The following KCNK9 variants were observed in gnomAD, a reference collection of about 807,000 sequenced individuals.
The protein encoded by KCNK9 is potassium channel subfamily K member 9.
KCNK9 carries 1 observed loss-of-function variant against 10.8 expected under a neutral mutation model. That is an observed-to-expected ratio of 0.09 (90% confidence interval 0.03 to 0.44). The LOEUF (loss-of-function observed/expected upper bound fraction) is 0.44. KCNK9 is among the 20% of genes least tolerant of loss of function. The pLI, the probability that KCNK9 is intolerant of heterozygous loss-of-function variation, is 0.97. For missense variants in KCNK9, 303 were observed against 515.0 expected (o/e 0.59, Z 3.98); for synonymous variants, 231 against 222.7 (o/e 1.04, Z -0.33).
chr8:139,696,011 C>A (rs537878011), intron 1 of KCNK9, among the ~76,000 whole-genome samples: 1 of 152,186 alleles, frequency 6.6e-6, no homozygotes, highest in Non-Finnish European at 1.5e-5. Context: ...CTAAGCCCCC[C>A]ACGTTCCAGT....
intron 1 of KCNK9, among the ~76,000 whole-genome samples, chr8:139,634,121 G>A (rs1416786229): frequency 6.6e-6 from 1 of 152,246 alleles, no homozygotes; most frequent in Non-Finnish European, 1.5e-5. Flanking sequence ...TTAGCACGGT[G>A]GACTCATGGG....
At chr8:139,638,982 C>A (rs563600090) in intron 1 of KCNK9, among the ~76,000 whole-genome samples, 58 of 152,296 alleles carry the variant, frequency 3.8e-4, no homozygotes, top group African/African-American at 1.2e-3. Context: ...GATCCCCATT[C>A]TCGTGCCTTT....
At chr8:139,639,248 C>A (rs138565973) in intron 1 of KCNK9, among the ~76,000 whole-genome samples, 1 of 152,358 alleles carries the variant, frequency 6.6e-6, no homozygotes, top group Non-Finnish European at 1.5e-5. Context: ...CCCATTGATG[C>A]TCACCAGAAT....
chr8:139,657,667 A>G (rs1816054243), intron 1 of KCNK9, among the ~76,000 whole-genome samples: 1 of 152,202 alleles, frequency 6.6e-6, no homozygotes, highest in African/African-American at 2.4e-5. Flanking sequence ...TAGGGCGTTG[A>G]CTGGGACACT....
At chr8:139,601,734 AATT>A (rs1439362088) in intron 2 of KCNK9, 35 of 152,314 alleles carry the variant, frequency 2.3e-4, no homozygotes, top group African/African-American at 8.2e-4. Flanking sequence ...TAACCCAGAT[AATT>A]AAGACCCCCT....
At chr8:139,625,230 C>A (rs1253683672) in intron 1 of KCNK9, among the ~76,000 whole-genome samples, 1 of 152,240 alleles carries the variant, frequency 6.6e-6, no homozygotes, top group Non-Finnish European at 1.5e-5. Context: ...GAACTGACAG[C>A]CTGCCTGCTT....
intron 1 of KCNK9, among the ~76,000 whole-genome samples, chr8:139,697,562 G>A (rs1817093293): frequency 6.6e-6 from 1 of 151,926 alleles, no homozygotes; most frequent in Non-Finnish European, 1.5e-5. Flanking sequence ...AGATGGAGGT[G>A]TGAATAACCG....
In KCNK9 at chr8:139,699,149, G is replaced by A. The variant is rs550494146; in HGVS notation, c.283+3561C>T. On this transcript the variant is annotated intron_variant, in intron 1 of 1. Coordinates refer to ENST00000520439, the MANE Select transcript of KCNK9 (RefSeq NM_001282534.2). ...TGAGATCTGATTTCTAAGATCTGAT[G>A]GTTTCTTCTTTTTTAATGATCCTGA... 1.1e-3 allele frequency among the ~76,000 whole-genome samples: 173 copies of A among 152,260 alleles called. 5 individuals are homozygous for A. In the South Asian group the frequency reaches 0.035, roughly 31 times the overall value.
At chr8:139,680,740 T>A (rs1385506879) in intron 1 of KCNK9, among the ~76,000 whole-genome samples, 3 of 152,014 alleles carry the variant, frequency 2.0e-5, no homozygotes, top group Non-Finnish European at 4.4e-5. Context: ...CCAGAGAAGG[T>A]GCTTAGCTTC....
chr8:139,660,449 A>AATATATAT (rs35118138), intron 1 of KCNK9, among the ~76,000 whole-genome samples: 3 of 131,182 alleles, frequency 2.3e-5, no homozygotes, highest in South Asian at 2.5e-4. Context: ...GCTAAAAAAA[A>AATATATAT]ATATATATAT....
chr8:139,656,035 C>A (rs1405684396), intron 1 of KCNK9, among the ~76,000 whole-genome samples: 1 of 152,212 alleles, frequency 6.6e-6, no homozygotes, highest in Non-Finnish European at 1.5e-5. Flanking sequence ...CTAATCTACA[C>A]TCAGCCATGA....
At chr8:139,671,675 C>G (rs1816430179) in intron 1 of KCNK9, among the ~76,000 whole-genome samples, 1 of 152,064 alleles carries the variant, frequency 6.6e-6, no homozygotes, top group African/African-American at 2.4e-5. Context: ...GTGTTCACCA[C>G]AGCTGGCTAA....
chr8:139,663,038 G>A (rs1444903212), intron 1 of KCNK9, among the ~76,000 whole-genome samples: 1 of 152,030 alleles, frequency 6.6e-6, no homozygotes, highest in Non-Finnish European at 1.5e-5. Context: ...GTGCCCCAGT[G>A]CTGTTCTAAG....
At chr8:139,698,670 A>G (rs1817123989) in intron 1 of KCNK9, among the ~76,000 whole-genome samples, 1 of 152,102 alleles carries the variant, frequency 6.6e-6, no homozygotes, top group Non-Finnish European at 1.5e-5. Context: ...TGTCATCTAG[A>G]CTGTCCCCAG....
At chr8:139,646,453 G>C (rs1815686206) in intron 1 of KCNK9, among the ~76,000 whole-genome samples, 1 of 152,272 alleles carries the variant, frequency 6.6e-6, no homozygotes, top group Admixed American at 6.5e-5. Context: ...GGCCAGGTCA[G>C]CATGGAAGGA....
At chr8:139,608,028 A>G (rs1814285599), downstream of KCNK9, among the ~76,000 whole-genome samples, 1 of 152,216 alleles carries the variant, frequency 6.6e-6, no homozygotes, top group Non-Finnish European at 1.5e-5. Context: ...AGAAGAGGCA[A>G]GGCTGAGAGC....
chr8:139,673,761 TG>T (rs1340424897), intron 1 of KCNK9, among the ~76,000 whole-genome samples: 1 of 152,030 alleles, frequency 6.6e-6, no homozygotes, highest in Non-Finnish European at 1.5e-5. Context: ...CAGTCAGGAG[TG>T]GGGTGGGGCC....
intron 1 of KCNK9, among the ~76,000 whole-genome samples, chr8:139,655,702 C>T (rs553046974): frequency 6.6e-6 from 1 of 152,238 alleles, no homozygotes; most frequent in Non-Finnish European, 1.5e-5. Context: ...CAGATGTGGC[C>T]AACTCCAAAC....
In KCNK9 at chr8:139,651,033, G is replaced by T. The variant is rs546642476; in HGVS notation, c.284-31934C>A. ...AGAGTACTGGGCTGCAGGTCAGGGA[G>T]CCCACCCCCTTCTGCTTCTTCCCAG... On this transcript the variant is annotated intron_variant, in intron 1 of 1. Transcript: ENST00000520439. Among the ~76,000 whole-genome samples, 5 of 152,260 alleles carry T rather than the reference G, an allele frequency of 3.3e-5. No individual in the cohort carries two copies. The East Asian group carries it at 9.7e-4, about 29-fold the overall frequency.
Sources: allele counts gnomAD v4.1 joint callset (sites outside exome capture counted in the v4.1 genomes callset), GRCh38; gene constraint gnomAD v4.1.1; transcripts MANE v1.5; gene names NCBI Gene and HGNC (gene_info 2026-07-23, HGNC 2026-07-21).